The following STAG1 variants were observed in gnomAD, a reference collection of about 807,000 sequenced individuals.
STAG1 encodes the protein STAG1 cohesin complex component.
Under a neutral mutation model 170.9 loss-of-function variants are expected in STAG1, and 26 were observed. That is an observed-to-expected ratio of 0.15 (90% CI 0.11 to 0.21). The LOEUF (loss-of-function observed/expected upper bound fraction) is 0.21. Among genes scored for constraint, STAG1 ranks in the 10% least tolerant of loss-of-function variants. STAG1 has a pLI of 1.00. For missense variants in STAG1, 964 were observed against 1,509.5 expected, an observed-to-expected ratio of 0.64 and a Z score of 5.99; for synonymous variants, 514 against 497.7, an observed-to-expected ratio of 1.03 and a Z score of -0.44.
chr3:136,489,395 T>G (rs1343163536), intron 9 of STAG1, among the ~76,000 whole-genome samples: 1 of 152,216 alleles, frequency 6.6e-6, no homozygotes, highest in Non-Finnish European at 1.5e-5. Flanking sequence ...GTTTCTTGTA[T>G]TACCCTTATG....
At chr3:136,521,167 A>G (rs1249731179) in intron 7 of STAG1, 46 bp downstream of exon 7, 5 of 1,452,884 alleles carry the variant, frequency 3.4e-6, no homozygotes, top group Non-Finnish European at 4.8e-6. Context: ...AATAAAACAT[A>G]GTCAACAAAA....
intron 21 of STAG1, among the ~76,000 whole-genome samples, chr3:136,399,499 TCTGA>T (rs1444556696): frequency 2.6e-5 from 4 of 152,182 alleles, no homozygotes; most frequent in East Asian, 1.9e-4. Context: ...ATGTATTGAG[TCTGA>T]CTTTTTTCAT....
At chr3:136,389,880 G>A (rs1341067212) in intron 22 of STAG1, among the ~76,000 whole-genome samples, 1 of 149,862 alleles carries the variant, frequency 6.7e-6, no homozygotes, top group Non-Finnish European at 1.5e-5. Context: ...CACCCAGGCC[G>A]GAGTGCAGTG....
At chr3:136,714,416 G>T (rs1943465790) in intron 1 of STAG1, among the ~76,000 whole-genome samples, 1 of 151,990 alleles carries the variant, frequency 6.6e-6, no homozygotes, top group Middle Eastern at 3.2e-3. Flanking sequence ...AACGTACCGA[G>T]AACTCATCTC....
At chr3:136,722,652 C>T (rs1294615202) in intron 1 of STAG1, among the ~76,000 whole-genome samples, 1 of 149,352 alleles carries the variant, frequency 6.7e-6, no homozygotes, top group African/African-American at 2.4e-5. Context: ...CTCCCTCTCC[C>T]CTCTCCCTTC....
chr3:136,354,754 C>CAAAAAAAAAAACAA (rs1936568805), intron 28 of STAG1, among the ~76,000 whole-genome samples: 1 of 6,506 alleles, frequency 1.5e-4, no homozygotes, highest in Non-Finnish European at 2.4e-4. Context: ...GAGAAAGAAC[C>CAAAAAAAAAAACAA]AAAAAAAAAA....
intron 21 of STAG1, among the ~76,000 whole-genome samples, chr3:136,415,885 G>A (rs185352387): frequency 1.3e-5 from 2 of 152,294 alleles, no homozygotes; most frequent in Non-Finnish European, 2.9e-5. Context: ...AGTATCTTAA[G>A]AGATATTTCT....
At chr3:136,735,705 C>T (rs1049049691) in intron 1 of STAG1, among the ~76,000 whole-genome samples, 1 of 151,928 alleles carries the variant, frequency 6.6e-6, no homozygotes, top group Admixed American at 6.6e-5. Context: ...CTCCAACTCC[C>T]GGGTTCAAGC....
chr3:136,752,038 C>CG (rs954504718), intron 1 of STAG1, among the ~76,000 whole-genome samples, 157 bp downstream of exon 1: 1 of 150,978 alleles, frequency 6.6e-6, no homozygotes. Flanking sequence ...CTCCCTCCCC[C>CG]GCACGGGGCC....
rs184779977 is a variant in STAG1 at position 136,583,121 on chromosome 3, A to G, written c.298-14260T>C. 3.4e-3 allele frequency among the ~76,000 whole-genome samples: 516 copies of G among 152,306 alleles called. 1 individual carries two copies. Among genetic ancestry groups the G allele is most frequent in the African/African-American group, 8.9e-3 (372 of 41,582 alleles). The stretch of plus-strand genomic sequence containing the variant: ...TTTTGATTAACCTTAGCATCTTATT[A>G]AAAGCAGTAGGCTCTCAGGCAATTC... On this transcript the variant is annotated intron_variant, in intron 4 of 33. Transcript: ENST00000383202.
At chr3:136,454,098 A>G (rs1202864616) in intron 13 of STAG1, among the ~76,000 whole-genome samples, 1 of 151,964 alleles carries the variant, frequency 6.6e-6, no homozygotes, top group African/African-American at 2.4e-5. Context: ...ATACCAATCT[A>G]TTTATTTATT....
chr3:136,520,416 C>CT (rs1357026328), intron 7 of STAG1, among the ~76,000 whole-genome samples: 1 of 151,892 alleles, frequency 6.6e-6, no homozygotes, highest in East Asian at 1.9e-4. Flanking sequence ...GTTACTGCTA[C>CT]TAAAAAAGAT....
At chr3:136,743,416 T>G (rs1318342945) in intron 1 of STAG1, among the ~76,000 whole-genome samples, 1 of 151,186 alleles carries the variant, frequency 6.6e-6, no homozygotes, top group African/African-American at 2.4e-5. Flanking sequence ...AGAAGAGATA[T>G]CACTACAGAT....
intron 25 of STAG1, 88 bp from the exon 26 acceptor site, chr3:136,363,555 GAAA>G: frequency 2.1e-3 from 597 of 289,672 alleles, no homozygotes; most frequent in South Asian, 3.6e-3. Flanking sequence ...CTTTGAAAAT[GAAA>G]AAAAAAAAAA....
intron 28 of STAG1, among the ~76,000 whole-genome samples, chr3:136,350,539 C>T (rs1314734867): frequency 6.6e-6 from 1 of 152,130 alleles, no homozygotes; most frequent in African/African-American, 2.4e-5. Context: ...CGAGAGATTC[C>T]AAACCTGGGG....
At chr3:136,554,113 G>A (rs1936516184) in intron 5 of STAG1, among the ~76,000 whole-genome samples, 1 of 151,944 alleles carries the variant, frequency 6.6e-6, no homozygotes, top group African/African-American at 2.4e-5. Flanking sequence ...CAGACTTTTA[G>A]AGAAAAAAAA....
At chr3:136,607,429 T>G (rs998245576) in intron 3 of STAG1, among the ~76,000 whole-genome samples, 3 of 152,170 alleles carry the variant, frequency 2.0e-5, no homozygotes, top group African/African-American at 7.2e-5. Context: ...TGGAGACAGA[T>G]TCTCTCTTTG....
In STAG1 at chr3:136,685,955, G is replaced by A. The variant is rs116350003; in HGVS notation, c.-83-54974C>T. 6.5e-3 allele frequency among the ~76,000 whole-genome samples: 997 copies of A among 152,290 alleles called. 10 individuals are homozygous for A. Among genetic ancestry groups the A allele is most frequent in the African/African-American group, 0.023 (940 of 41,556 alleles). On this transcript the variant is annotated intron_variant, in intron 1 of 33. Coordinates refer to ENST00000383202, the MANE Select transcript of STAG1 (RefSeq NM_005862.3). ...TGGGGTTTAAGTAGGAAAGATAAAT[G>A]TTATGTATATTGTTTTAATAGAAAG...
At chr3:136,669,054 T>TC (rs1228646534) in intron 1 of STAG1, among the ~76,000 whole-genome samples, 1 of 152,216 alleles carries the variant, frequency 6.6e-6, no homozygotes, top group Non-Finnish European at 1.5e-5. Context: ...TTACAATCCC[T>TC]CCTTCAACCG....
Sources: allele counts gnomAD v4.1 joint callset (sites outside exome capture counted in the v4.1 genomes callset), GRCh38; gene constraint gnomAD v4.1.1; transcripts MANE v1.5; gene names NCBI Gene and HGNC (gene_info 2026-07-23, HGNC 2026-07-21).